Variants in TRANK1 observed in about 807,000 individuals in gnomAD.
TRANK1 encodes the protein TPR and ankyrin repeat-containing protein 1.
TRANK1 carries 198 observed loss-of-function variants against 266.0 expected under a neutral mutation model. That is an observed-to-expected ratio of 0.74 (90% CI 0.66 to 0.84). The LOEUF is 0.84. Ranked by LOEUF, TRANK1 falls within the 40% of genes least tolerant of loss-of-function variation. The pLI is 0.00. For synonymous variants in TRANK1, 1,396 were observed against 1,384.1 expected, an observed-to-expected ratio of 1.01 and a Z score of -0.19; for missense variants, 3,326 against 3,634.6, an observed-to-expected ratio of 0.92 and a Z score of 2.18.
intron 1 of TRANK1, among the ~76,000 whole-genome samples, chr3:36,942,894 A>T (rs2080516251): frequency 6.6e-6 from 1 of 151,180 alleles, no homozygotes; most frequent in African/African-American, 2.4e-5. Context: ...AAAAAAACAT[A>T]GAATGGGCCG....
At chr3:36,881,980 C>T (rs1409159761) in intron 8 of TRANK1, among the ~76,000 whole-genome samples, 3 of 152,116 alleles carry the variant, frequency 2.0e-5, no homozygotes, top group African/African-American at 7.2e-5. Context: ...TTTGTTTATC[C>T]ATTCCTCAGT....
chr3:36,844,165 A>C (rs1035072409), intron 17 of TRANK1, among the ~76,000 whole-genome samples: 2 of 152,152 alleles, frequency 1.3e-5, no homozygotes, highest in Non-Finnish European at 2.9e-5. Flanking sequence ...TTCATTTTGA[A>C]TTTTTAAATT....
intron 1 of TRANK1, among the ~76,000 whole-genome samples, chr3:36,931,612 G>A (rs968794533): frequency 1.3e-5 from 2 of 152,206 alleles, no homozygotes; most frequent in African/African-American, 4.8e-5. Flanking sequence ...GGCTGAGGCA[G>A]AAGGATCACT....
chr3:36,870,414 A>C (rs560753716), intron 9 of TRANK1, among the ~76,000 whole-genome samples: 109 of 133,426 alleles, frequency 8.2e-4, no homozygotes, highest in African/African-American at 3.1e-3. Flanking sequence ...TTTCAAAAAA[A>C]AAAAAAAGAG....
chr3:36,847,340 T>C lies in TRANK1; in HGVS notation c.4894A>G (p.Lys1632Glu). 1.2e-6 allele frequency: 2 copies of C among 1,613,454 alleles called. No individual in the cohort carries two copies. The highest frequency in any genetic ancestry group is 1.7e-6 in the Non-Finnish European group (2 of 1,179,652). ...AATGAGGAAATGATCTTCCATTCCT[T>C]ATAAGCCTGAACAACAACAAAAAAG... ...YNFFTDSEAY[K>E]EWKIISSFTP... The change falls in exon 16 of 24, where the codon AAG (lysine) becomes GAG (glutamate). Residue 1632 changes from lysine (K) to glutamate (E), a missense_variant. Coordinates refer to ENST00000645898, the MANE Select transcript of TRANK1 (RefSeq NM_001329998.2).
intron 1 of TRANK1, among the ~76,000 whole-genome samples, chr3:36,928,632 T>C (rs147685924): frequency 2.0e-5 from 3 of 152,264 alleles, no homozygotes; most frequent in African/African-American, 4.8e-5. Context: ...CCTGAGGATA[T>C]AGACACAGAT....
intron 10 of TRANK1, 138 bp downstream of exon 10, chr3:36,864,181 G>T: frequency 2.0e-6 from 2 of 980,212 alleles, no homozygotes; most frequent in Non-Finnish European, 2.8e-6. Flanking sequence ...ACCAAAGAAT[G>T]CTCTGTGCTG....
chr3:36,871,531 TGAG>T (rs1162662665), intron 9 of TRANK1, among the ~76,000 whole-genome samples: 2 of 152,220 alleles, frequency 1.3e-5, no homozygotes, highest in African/African-American at 4.8e-5. Context: ...ATTCTGAAAC[TGAG>T]ATGATATGCA....
intron 1 of TRANK1, among the ~76,000 whole-genome samples, chr3:36,941,403 G>T (rs2080494689): frequency 6.6e-6 from 1 of 152,186 alleles, no homozygotes; most frequent in South Asian, 2.1e-4. Flanking sequence ...GTGAGCACAG[G>T]GCAGGTACTG....
At chr3:36,901,970 C>T (rs991318983) in intron 3 of TRANK1, among the ~76,000 whole-genome samples, 3 of 152,146 alleles carry the variant, frequency 2.0e-5, no homozygotes, top group African/African-American at 7.2e-5. Context: ...GAAGAAATTT[C>T]CCAGGAATGC....
At chr3:36,845,483 A>T (rs894039912) in intron 17 of TRANK1, among the ~76,000 whole-genome samples, 1 of 152,210 alleles carries the variant, frequency 6.6e-6, no homozygotes, top group Admixed American at 6.5e-5. Context: ...ATTGGGTTTG[A>T]TGGTTAAAGA....
chr3:36,934,859 C>T (rs1415424879), intron 1 of TRANK1, among the ~76,000 whole-genome samples: 2 of 152,194 alleles, frequency 1.3e-5, no homozygotes, highest in African/African-American at 2.4e-5. Flanking sequence ...AGGAGGCATG[C>T]AGGCCCCAGA....
In TRANK1 at chr3:36,831,212, C is replaced by G; in HGVS notation, c.8371G>C (p.Glu2791Gln). ...ACTGCCACCTCGGAAGCTGCCCCCT[C>G]AAACGCTTTGCTGGGGCTGAAATAG... Reference protein sequence around the residue: ...ENYFSPSKAFEGAASEVAVLS... With the variant: ...ENYFSPSKAFQGAASEVAVLS... The change falls in exon 22 of 24, where the codon GAG becomes CAG. Residue 2791 changes from glutamate (E) to glutamine (Q), a missense_variant. Physicochemically the swap from Glu to Gln is conservative, Grantham distance 29 (BLOSUM62 2). Coordinates refer to ENST00000645898, the MANE Select transcript of TRANK1 (RefSeq NM_001329998.2). This position sits in a 1 kb window ranked among gnomAD's most constrained non-coding sequence, Gnocchi z 5.0. The G allele has an allele frequency of 6.2e-7, 1 of 1,613,938 alleles. No homozygotes were observed. The highest frequency in any genetic ancestry group is 8.5e-7 in the Non-Finnish European group (1 of 1,179,902).
At chr3:36,927,683 C>T (rs1236745158) in intron 1 of TRANK1, among the ~76,000 whole-genome samples, 1 of 152,188 alleles carries the variant, frequency 6.6e-6, no homozygotes, top group Non-Finnish European at 1.5e-5. Context: ...TCGCTCACCC[C>T]CAACAATATT....
At chr3:36,918,554 G>A (rs1329033869) in intron 1 of TRANK1, among the ~76,000 whole-genome samples, 2 of 49,610 alleles carry the variant, frequency 4.0e-5, no homozygotes, top group African/African-American at 1.6e-4. Flanking sequence ...AAGGAAGGAA[G>A]GAAGGAAGGT....
chr3:36,866,795 G>T (rs1379976393), intron 9 of TRANK1, among the ~76,000 whole-genome samples: 1 of 152,100 alleles, frequency 6.6e-6, no homozygotes, highest in Non-Finnish European at 1.5e-5. Flanking sequence ...AATGTCAGGG[G>T]GTACTCAGAA....
Position 36,857,300 on chromosome 3 carries a change from T to C in TRANK1, c.2422A>G (p.Lys808Glu). 2 of 1,608,972 alleles carry C rather than the reference T, an allele frequency of 1.2e-6. No individual in the cohort carries two copies. The highest frequency in any genetic ancestry group is 1.7e-6 in the Non-Finnish European group (2 of 1,177,464). The change falls in exon 13 of 24, where the codon AAG becomes GAG. Residue 808 changes from lysine (K) to glutamate (E), a missense_variant. Transcript: ENST00000645898. This position sits in a 1 kb window ranked among gnomAD's most constrained non-coding sequence, Gnocchi z 4.3. ...TCATCCTGATCATCATTGCCCTCCT[T>C]CCCCCTGTTATCATCAGGCACAAGC... ...LQLVPDDNRG[K>E]EGNDDQDDWS...
intron 8 of TRANK1, among the ~76,000 whole-genome samples, chr3:36,879,957 TAAACATGC>T (rs1178554132): frequency 0.016 from 163 of 10,258 alleles, 49 homozygotes; most frequent in Non-Finnish European, 0.02. Context: ...CAAATATATG[TAAACATGC>T]AAATATATGT....
chr3:36,830,277 T>A (rs2078675898), intron 22 of TRANK1, among the ~76,000 whole-genome samples: 1 of 151,266 alleles, frequency 6.6e-6, no homozygotes, highest in Non-Finnish European at 1.5e-5. Context: ...ATCACGCCAC[T>A]GCACTCCAGC....
Sources: allele counts gnomAD v4.1 joint callset (sites outside exome capture counted in the v4.1 genomes callset), GRCh38; gene constraint gnomAD v4.1.1; non-coding constraint Gnocchi (gnomAD v3.1); transcripts MANE v1.5; gene names NCBI Gene and HGNC (gene_info 2026-07-23, HGNC 2026-07-21).